The following SMG5 variants were observed in gnomAD, a reference collection of about 807,000 sequenced individuals.
SMG5 encodes the protein SMG5 nonsense mediated mRNA decay factor, also known as nonsense-mediated mRNA decay factor SMG5.
In SMG5, 53 loss-of-function variants were observed where a neutral mutation model predicts 122.9. The observed-to-expected ratio is 0.43, with a 90% CI of 0.35 to 0.54. The LOEUF (loss-of-function observed/expected upper bound fraction) is 0.54, where lower values mean the gene tolerates loss of function less well. Among genes scored for constraint, SMG5 ranks in the 20% least tolerant of loss-of-function variants. The probability of loss-of-function intolerance (pLI) is 0.01; values close to 1 mark genes in which losing one functional copy is unlikely to be tolerated. For synonymous variants in SMG5, 477 were observed against 490.2 expected (o/e 0.97, Z 0.35); for missense variants, 1,153 against 1,285.6 (o/e 0.90, Z 1.58).
rs553734621 is a variant in SMG5 at position 156,265,735 on chromosome 1, G to A, written c.1855+46C>T. 10 of 1,582,862 alleles carry A rather than the reference G, an allele frequency of 6.3e-6. No individual in the cohort carries two copies. In the East Asian group the frequency reaches 2.0e-4, roughly 32 times the overall value. On this transcript the variant is annotated intron_variant, in intron 12 of 21. Coordinates refer to ENST00000361813, the MANE Select transcript of SMG5 (RefSeq NM_015327.3). The stretch of plus-strand genomic sequence containing the variant: ...GCGGCCTCTCTGGTGAGTGTCTATG[G>A]CATGGAGGTGCGGACCAGAACAGGA...
chr1:156,252,825 G>A (rs1224565906), intron 18 of SMG5, 94 bp downstream of exon 18: 5 of 1,317,578 alleles, frequency 3.8e-6, no homozygotes, highest in Non-Finnish European at 5.1e-6. Flanking sequence ...CAAGGTTACT[G>A]CATATAAACT....
Position 156,250,958 on chromosome 1 carries a change from G to A in SMG5, c.2867C>T (p.Thr956Ile). 1 of 1,614,054 alleles carries A rather than the reference G, an allele frequency of 6.2e-7. No homozygotes were observed. The highest frequency in any genetic ancestry group is 8.5e-7 in the Non-Finnish European group (1 of 1,179,964). Reference protein sequence around the residue: ...YKILDSCKQLTLAQGAGEEDP... With the variant: ...YKILDSCKQLILAQGAGEEDP... ...CTCCTCACCTGCCCCCTGGGCCAGA[G>A]TCAGCTGTTTGCAGCTGTCTAGGAT... The change falls in exon 21 of 22, where the codon ACT becomes ATT. Residue 956 changes from threonine (T) to isoleucine (I), a missense_variant. Thr to Ile is a moderately conservative substitution (Grantham distance 89). Coordinates refer to ENST00000361813, the MANE Select transcript of SMG5 (RefSeq NM_015327.3).
At chr1:156,291,419 T>A in the SMG5 span, 15 of 1,613,832 alleles carry the variant, frequency 9.3e-6, no homozygotes, top group East Asian at 3.3e-4. Flanking sequence ...CGTGGGCCGC[T>A]CCTTCCGAGG....
At chr1:156,251,120 G>T in intron 20 of SMG5, 124 bp from the exon 21 acceptor site, 8 of 1,327,784 alleles carry the variant, frequency 6.0e-6, no homozygotes, top group East Asian at 2.3e-5. Context: ...AGTGGGCCCT[G>T]GAAGCTGGCC....
intron 15 of SMG5, among the ~76,000 whole-genome samples, chr1:156,260,134 G>C (rs1446831322): frequency 2.0e-5 from 3 of 152,182 alleles, no homozygotes; most frequent in African/African-American, 4.8e-5. Context: ...CCCAGAGTTA[G>C]AAAAGAGACT....
chr1:156,263,490 G>A lies in SMG5; in HGVS notation c.1936C>T (p.Leu646Phe). 1 of 1,614,276 alleles carries A rather than the reference G, an allele frequency of 6.2e-7. No homozygotes were observed. The highest frequency in any genetic ancestry group is 8.5e-7 in the Non-Finnish European group (1 of 1,180,056). ...AGACCTTCGGCCATCAGGACCTGAA[G>A]CTTCTCCTGGATGCTGCGCTCATTC... Reference protein sequence around the residue: ...CRNERSIQEKLQVLMAEGLLP... With the variant: ...CRNERSIQEKFQVLMAEGLLP... Residue 646 changes from leucine to phenylalanine, a missense_variant, in exon 13 of 22, where the codon CTT becomes TTT. Physicochemically the swap from Leu to Phe is conservative, Grantham distance 22. This residue lies in a region of SMG5 where 631 missense variants were observed against 650.6 expected (regional missense o/e 0.97). Transcript: ENST00000361813.
rs552372114 is a variant in SMG5 at position 156,249,632 on chromosome 1, G to A, written c.*955C>T. On this transcript the variant is annotated 3_prime_UTR_variant, in exon 22 of 22. Coordinates refer to ENST00000361813, the MANE Select transcript of SMG5 (RefSeq NM_015327.3). Reference sequence around the variant, plus strand: ...CCTGCGGAAGGCAAAAGGAGGGACGGGGGCCTCTGACTGAGCAGCTTCAAG... The same window carrying A: ...CCTGCGGAAGGCAAAAGGAGGGACGAGGGCCTCTGACTGAGCAGCTTCAAG... The A allele has an allele frequency of 2.4e-6, 1 of 412,392 alleles. No individual in the cohort carries two copies. Among genetic ancestry groups the A allele is most frequent in the Non-Finnish European group, 5.0e-6 (1 of 199,458 alleles). 25.5% of individuals were successfully genotyped at this position (412,392 alleles called of 1,614,324 possible). A position where few individuals can be genotyped will look rare whatever the true frequency, so the allele number is the denominator to read the frequency against.
chr1:156,282,748 C>T lies in SMG5; in HGVS notation c.-68G>A. 6.8e-7 allele frequency: 1 copy of T among 1,480,802 alleles called. No individual in the cohort carries two copies. The allele number at this position is 1,480,802 out of a possible 1,614,324, so 91.7% of individuals were successfully genotyped here. A position where few individuals can be genotyped will look rare whatever the true frequency, so the allele number is the denominator to read the frequency against. On this transcript the variant is annotated 5_prime_UTR_variant, in exon 1 of 22. Transcript: ENST00000361813. ...CACCCACCACTACCGCCAACACTGC[C>T]GTCTCCGGCCGTAGCCGCAGCCGCC...
At chr1:156,277,871 T>C in intron 3 of SMG5, 54 bp downstream of exon 3, 1 of 1,606,350 alleles carries the variant, frequency 6.2e-7, no homozygotes. Context: ...CCCACTTTCC[T>C]AGCTGTCTCT....
upstream of SMG5, chr1:156,285,948 G>A (rs539131077): frequency 4.3e-6 from 7 of 1,611,584 alleles, no homozygotes; most frequent in South Asian, 2.2e-5. Context: ...TACACACTGC[G>A]CTGCGGGGTC....
At chr1:156,273,599 C>G (rs1392630909) in intron 5 of SMG5, 149 bp from the exon 6 acceptor site, 1 of 682,706 alleles carries the variant, frequency 1.5e-6, no homozygotes, top group Non-Finnish European at 2.6e-6. Flanking sequence ...GTCTCTGGCA[C>G]AGTCCTAAAT....
In SMG5 at chr1:156,260,540, T is replaced by C; in HGVS notation, c.2194A>G (p.Met732Val). Residue 732 changes from methionine (M) to valine (V), a missense_variant, in exon 15 of 22, where the codon ATG becomes GTG. This residue lies in a region of SMG5 where 631 missense variants were observed against 650.6 expected (regional missense o/e 0.97). Transcript: ENST00000361813. ...AGCGGGGGCAGGTTACGAAGAGCCA[T>C]GTCCTCTGGGAGCAGAAGGCTAGAG... is the stretch of plus-strand genomic sequence containing the variant. ...LPSSLLLPED[M>V]ALRNLPPLRA... is the part of the protein sequence containing the mutation. 1 of 1,573,568 alleles carries C rather than the reference T, an allele frequency of 6.4e-7. No homozygotes were observed. Among genetic ancestry groups the C allele is most frequent in the Non-Finnish European group, 8.6e-7 (1 of 1,165,608 alleles).
At chr1:156,275,373 T>C (rs1662636485) in intron 4 of SMG5, among the ~76,000 whole-genome samples, 1 of 152,290 alleles carries the variant, frequency 6.6e-6, no homozygotes, top group East Asian at 1.9e-4. Flanking sequence ...GCCTGGTAAC[T>C]TCAGAGAGCT....
intron 15 of SMG5, among the ~76,000 whole-genome samples, chr1:156,259,666 C>G (rs1297650208): frequency 6.6e-6 from 1 of 152,058 alleles, no homozygotes; most frequent in Non-Finnish European, 1.5e-5. Context: ...GTAGCTGGGA[C>G]TACAGGTGCG....
intron 16 of SMG5, among the ~76,000 whole-genome samples, chr1:156,256,306 C>CTTTTTTTTTTTTTTTTTTT (rs1661572890): frequency 7.2e-6 from 1 of 138,204 alleles, no homozygotes; most frequent in Non-Finnish European, 1.6e-5. Context: ...GAGCCATCTT[C>CTTTTTTTTTTTTTTTTTTT]TCTCTTTTTT....
At chr1:156,251,164 T>G (rs1380443029) in intron 20 of SMG5, 168 bp from the exon 21 acceptor site, 5 of 1,001,046 alleles carry the variant, frequency 5.0e-6, no homozygotes, top group Non-Finnish European at 5.9e-6. Flanking sequence ...AAAGGTGCAT[T>G]GAGGGAAAAC....
intron 18 of SMG5, 113 bp from the exon 19 acceptor site, chr1:156,252,617 C>G: frequency 9.0e-7 from 1 of 1,116,674 alleles, no homozygotes; most frequent in Non-Finnish European, 1.3e-6. Context: ...AGAGAAGGGA[C>G]CCTGGCTCCC....
chr1:156,273,484 G>T, intron 5 of SMG5, 34 bp from the exon 6 acceptor site: 1 of 1,596,272 alleles, frequency 6.3e-7, no homozygotes, highest in South Asian at 1.1e-5. Context: ...GAAACTCGAT[G>T]ATTTTAAGTT....
In SMG5 at chr1:156,250,076, G is replaced by T. The variant is rs1661273377; in HGVS notation, c.*511C>A. ...GAGCTGCCTGGTCCCCATAAAGGGG[G>T]CTGAAAGGAGGATGGGTGATCCTTG... is the stretch of plus-strand genomic sequence containing the variant. On this transcript the variant is annotated 3_prime_UTR_variant, in exon 22 of 22. Transcript: ENST00000361813. The T allele has an allele frequency of 2.6e-6, 1 of 389,662 alleles. No homozygotes were observed. Among genetic ancestry groups the T allele is most frequent in the South Asian group, 1.9e-5 (1 of 51,356 alleles). 24.1% of individuals were successfully genotyped at this position (389,662 alleles called of 1,614,324 possible). A position where few individuals can be genotyped will look rare whatever the true frequency, so the allele number is the denominator to read the frequency against.
Sources: allele counts gnomAD v4.1 joint callset (sites outside exome capture counted in the v4.1 genomes callset), GRCh38; gene constraint gnomAD v4.1.1; regional missense constraint gnomAD v4.1.1; transcripts MANE v1.5; gene names NCBI Gene and HGNC (gene_info 2026-07-23, HGNC 2026-07-21).